The following FMNL2 variants were observed in gnomAD, a reference collection of about 807,000 sequenced individuals.
FMNL2 encodes the protein formin like 2, also known as formin-like protein 2.
FMNL2 carries 51 observed loss-of-function variants against 130.2 expected under a neutral mutation model. The observed-to-expected ratio is 0.39, with a 90% CI of 0.31 to 0.49. FMNL2 has a LOEUF of 0.49. Ranked by LOEUF, FMNL2 falls within the 20% of genes least tolerant of loss-of-function variation. The pLI is 0.85. For missense variants in FMNL2, 977 were observed against 1,316.2 expected (o/e 0.74, Z 3.99); for synonymous variants, 465 against 467.1 (o/e 1.00, Z 0.06).
intron 1 of FMNL2, among the ~76,000 whole-genome samples, chr2:152,338,695 C>T (rs1681615333): frequency 6.6e-6 from 1 of 152,064 alleles, no homozygotes; most frequent in South Asian, 2.1e-4. Flanking sequence ...GGATAGGTAT[C>T]TTCAGTATCA....
At chr2:152,593,916 A>C (rs1209667942) in intron 9 of FMNL2, among the ~76,000 whole-genome samples, 1 of 150,756 alleles carries the variant, frequency 6.6e-6, no homozygotes, top group Non-Finnish European at 1.5e-5. Flanking sequence ...AGAGAGAGAG[A>C]GAGAGAGAGA....
At chr2:152,368,827 T>TATTA (rs892725663) in intron 1 of FMNL2, among the ~76,000 whole-genome samples, 1 of 152,248 alleles carries the variant, frequency 6.6e-6, no homozygotes, top group Non-Finnish European at 1.5e-5. Flanking sequence ...TTCTTTGAAC[T>TATTA]ATTAACATTT....
chr2:152,522,096 T>C, intron 2 of FMNL2, 70 bp downstream of exon 2: 1 of 1,244,462 alleles, frequency 8.0e-7, no homozygotes, highest in Non-Finnish European at 1.2e-6. Flanking sequence ...AATTTTATGG[T>C]ATGTCAATAT....
At chr2:152,399,835 G>A (rs1361831753) in intron 1 of FMNL2, among the ~76,000 whole-genome samples, 1 of 152,144 alleles carries the variant, frequency 6.6e-6, no homozygotes, top group East Asian at 1.9e-4. Flanking sequence ...ATATTTGGGT[G>A]AGTTCTATGT....
chr2:152,644,576 A>G (rs1156702060), intron 25 of FMNL2, among the ~76,000 whole-genome samples: 1 of 152,198 alleles, frequency 6.6e-6, no homozygotes, highest in Admixed American at 6.5e-5. Flanking sequence ...TTCCTTCTGA[A>G]TGTCATGCCC....
At chr2:152,409,595 T>C (rs1686175763) in intron 1 of FMNL2, among the ~76,000 whole-genome samples, 1 of 152,166 alleles carries the variant, frequency 6.6e-6, no homozygotes, top group Non-Finnish European at 1.5e-5. Flanking sequence ...AGTTGAGAGT[T>C]ACATCAAATG....
intron 1 of FMNL2, among the ~76,000 whole-genome samples, chr2:152,350,708 A>G (rs1320593204): frequency 1.3e-5 from 2 of 152,006 alleles, no homozygotes; most frequent in African/African-American, 4.8e-5. Context: ...TCTTTTTTAT[A>G]TTTCCTTTAC....
At chr2:152,371,857 CA>C (rs1248005294) in intron 1 of FMNL2, among the ~76,000 whole-genome samples, 1 of 152,008 alleles carries the variant, frequency 6.6e-6, no homozygotes, top group African/African-American at 2.4e-5. Flanking sequence ...TTAGCCCCCT[CA>C]CCTTGCGATG....
At chr2:152,522,065 T>C (rs1356552982) in intron 2 of FMNL2, 39 bp downstream of exon 2, 1 of 1,508,474 alleles carries the variant, frequency 6.6e-7, no homozygotes, top group Non-Finnish European at 9.1e-7. Flanking sequence ...AAAAAAGTAA[T>C]GAAAGAAGAG....
At chr2:152,580,787 A>G (rs1307702991) in intron 8 of FMNL2, among the ~76,000 whole-genome samples, 169 bp from the exon 9 acceptor site, 1 of 152,228 alleles carries the variant, frequency 6.6e-6, no homozygotes, top group Non-Finnish European at 1.5e-5. Flanking sequence ...TCACATATGT[A>G]GTAGTCAGTA....
chr2:152,484,926 A>C (rs1423525099), intron 1 of FMNL2, among the ~76,000 whole-genome samples: 1 of 152,212 alleles, frequency 6.6e-6, no homozygotes, highest in Non-Finnish European at 1.5e-5. Flanking sequence ...GTGTGTAGCA[A>C]TGTTCTTGGG....
At chr2:152,469,717 G>C (rs1034272279) in intron 1 of FMNL2, among the ~76,000 whole-genome samples, 1 of 152,074 alleles carries the variant, frequency 6.6e-6, no homozygotes, top group Non-Finnish European at 1.5e-5. Flanking sequence ...TACATGTTCT[G>C]ATCTTTTTCT....
chr2:152,544,866 T>G (rs1202980441), intron 3 of FMNL2, among the ~76,000 whole-genome samples: 1 of 152,190 alleles, frequency 6.6e-6, no homozygotes, highest in African/African-American at 2.4e-5. Context: ...ATCAGCTGTT[T>G]CTGGGTTTAG....
intron 1 of FMNL2, among the ~76,000 whole-genome samples, chr2:152,420,865 G>A (rs929982343): frequency 3.3e-5 from 5 of 152,148 alleles, no homozygotes; most frequent in African/African-American, 1.2e-4. Flanking sequence ...AATCCCAGTT[G>A]TAGAAGCATC....
chr2:152,496,766 T>C (rs1334721341), intron 1 of FMNL2, among the ~76,000 whole-genome samples: 1 of 152,212 alleles, frequency 6.6e-6, no homozygotes, highest in Admixed American at 6.5e-5. Flanking sequence ...CTATGATTAT[T>C]TATTATATTG....
chr2:152,472,002 G>A (rs772036192), intron 1 of FMNL2, among the ~76,000 whole-genome samples: 5 of 152,168 alleles, frequency 3.3e-5, no homozygotes, highest in African/African-American at 4.8e-5. Context: ...GATCACATCT[G>A]CTCTAATCTG....
intron 1 of FMNL2, among the ~76,000 whole-genome samples, chr2:152,340,985 C>T (rs761827602): frequency 3.9e-5 from 6 of 152,128 alleles, no homozygotes; most frequent in Admixed American, 6.6e-5. Context: ...CCACTGTGCC[C>T]GGCCGGAAGG....
At chr2:152,417,208 TAC>T (rs1686664624) in intron 1 of FMNL2, among the ~76,000 whole-genome samples, 1 of 152,150 alleles carries the variant, frequency 6.6e-6, no homozygotes, top group Admixed American at 6.5e-5. Flanking sequence ...AATTAGAAAA[TAC>T]ACACATTGAT....
At chr2:152,627,968 C>A (rs1681908507) in intron 17 of FMNL2, among the ~76,000 whole-genome samples, 1 of 152,218 alleles carries the variant, frequency 6.6e-6, no homozygotes, top group African/African-American at 2.4e-5. Flanking sequence ...CCATCAGATG[C>A]TTTGGCCTTG....
Sources: allele counts gnomAD v4.1 joint callset (sites outside exome capture counted in the v4.1 genomes callset), GRCh38; gene constraint gnomAD v4.1.1; transcripts MANE v1.5; gene names NCBI Gene and HGNC (gene_info 2026-07-23, HGNC 2026-07-21).